Variants in ADCY2 observed in about 807,000 individuals in gnomAD.
The protein encoded by ADCY2 is adenylate cyclase 2.
A neutral mutation model predicts 125.2 loss-of-function variants in ADCY2; 31 were observed. That is an observed-to-expected ratio of 0.25 (90% confidence interval 0.19 to 0.33). The LOEUF is 0.33. ADCY2 is among the 10% of genes least tolerant of loss of function. ADCY2 has a pLI of 1.00. For missense variants in ADCY2, 904 were observed against 1,418.2 expected, an observed-to-expected ratio of 0.64 and a Z score of 5.82; for synonymous variants, 512 against 548.4, an observed-to-expected ratio of 0.93 and a Z score of 0.93.
intron 15 of ADCY2, among the ~76,000 whole-genome samples, chr5:7,747,888 G>A (rs1742679445): frequency 6.6e-6 from 1 of 152,256 alleles, no homozygotes; most frequent in Non-Finnish European, 1.5e-5. Context: ...TTGAAGGAAT[G>A]TTGGGTTGCA....
chr5:7,736,483 A>C (rs1456908317), intron 14 of ADCY2, among the ~76,000 whole-genome samples: 1 of 152,142 alleles, frequency 6.6e-6, no homozygotes, highest in Non-Finnish European at 1.5e-5. Context: ...TATTAGTAAC[A>C]CTCTATTCCT....
At chr5:7,400,825 T>C (rs1013474155) in intron 1 of ADCY2, among the ~76,000 whole-genome samples, 4 of 152,248 alleles carry the variant, frequency 2.6e-5, no homozygotes, top group Non-Finnish European at 2.9e-5. Context: ...GTTTTAGTTA[T>C]AATTTACTTG....
intron 15 of ADCY2, among the ~76,000 whole-genome samples, chr5:7,745,300 C>A (rs539280902): frequency 6.6e-6 from 1 of 152,220 alleles, no homozygotes; most frequent in African/African-American, 2.4e-5. Flanking sequence ...CGACTGTAAG[C>A]ACTTTGTCCT....
chr5:7,589,528 A>AAG (rs376178493), intron 3 of ADCY2, among the ~76,000 whole-genome samples: 30,340 of 132,166 alleles, frequency 0.23, 4,127 homozygotes, highest in East Asian at 0.36. Flanking sequence ...AAGAAAGAGA[A>AAG]AGAAAGAAAG....
chr5:7,697,763 T>G (rs1203567176), intron 6 of ADCY2, among the ~76,000 whole-genome samples: 1 of 152,168 alleles, frequency 6.6e-6, no homozygotes, highest in Non-Finnish European at 1.5e-5. Flanking sequence ...CTATCAGAAG[T>G]GACATATCTG....
At position 7,817,044 on chromosome 5, in the gene ADCY2, A is replaced by G. The variant is rs530506984; in HGVS notation, c.2998+64A>G. The G allele has an allele frequency of 8.1e-6, 10 of 1,229,086 alleles. 1 individual carries two copies. Among genetic ancestry groups the G allele is most frequent in the South Asian group, 2.5e-5 (2 of 80,934 alleles). 76.1% of individuals were successfully genotyped at this position (1,229,086 alleles called of 1,614,324 possible). The stretch of plus-strand genomic sequence containing the variant: ...AAAGATGTGGAATAAGGAGTAAGTC[A>G]GGAGATATTGATGATCCTTTCAGTG... On this transcript the variant is annotated intron_variant, in intron 23 of 24. Coordinates refer to ENST00000338316, the MANE Select transcript of ADCY2 (RefSeq NM_020546.3).
At chr5:7,507,383 G>A (rs1743869640) in intron 2 of ADCY2, among the ~76,000 whole-genome samples, 1 of 127,042 alleles carries the variant, frequency 7.9e-6, no homozygotes, top group Non-Finnish European at 1.7e-5. Context: ...GGAGCTTGCA[G>A]TGAGCCGAGA....
At chr5:7,450,626 C>T (rs1218542908) in intron 2 of ADCY2, among the ~76,000 whole-genome samples, 3 of 152,176 alleles carry the variant, frequency 2.0e-5, no homozygotes, top group Non-Finnish European at 4.4e-5. Context: ...GACAGATTTT[C>T]AAAGTAGACA....
rs1325560402 is a variant in ADCY2, at chr5:7,826,988, T to A, written c.*117T>A. The A allele has an allele frequency of 7.8e-7, 1 of 1,279,050 alleles. No homozygotes were observed. The highest frequency in any genetic ancestry group is 1.1e-6 in the Non-Finnish European group (1 of 934,044). The allele number at this position is 1,279,050 out of a possible 1,614,324, so 79.2% of individuals were successfully genotyped here. A position where few individuals can be genotyped will look rare whatever the true frequency, so the allele number is the denominator to read the frequency against. ...CGTGCTGTCTGTCCTATGGAGCCTC[T>A]GCAGACTCGTTCTCGTGACCCAGTG... On this transcript the variant is annotated 3_prime_UTR_variant, in exon 25 of 25. Transcript: ENST00000338316.
chr5:7,736,484 C>G (rs905982996), intron 14 of ADCY2, among the ~76,000 whole-genome samples: 2 of 152,136 alleles, frequency 1.3e-5, no homozygotes, highest in Non-Finnish European at 2.9e-5. Context: ...ATTAGTAACA[C>G]TCTATTCCTT....
At chr5:7,479,434 A>ATATTT (rs1455924214) in intron 2 of ADCY2, among the ~76,000 whole-genome samples, 1 of 152,036 alleles carries the variant, frequency 6.6e-6, no homozygotes, top group Non-Finnish European at 1.5e-5. Context: ...AGGAATCATT[A>ATATTT]TATTTTATTT....
chr5:7,682,522 AG>A (rs2017766428), intron 4 of ADCY2, among the ~76,000 whole-genome samples: 1 of 152,186 alleles, frequency 6.6e-6, no homozygotes, highest in South Asian at 2.1e-4. Flanking sequence ...CTACTCCAAA[AG>A]AGAACCATGA....
chr5:7,418,517 T>C (rs10061752), intron 2 of ADCY2, among the ~76,000 whole-genome samples: 48,330 of 151,894 alleles, frequency 0.32, 8,474 homozygotes, highest in African/African-American at 0.45. Context: ...GACCGGCTCA[T>C]ACCCCTTGGA....
intron 16 of ADCY2, among the ~76,000 whole-genome samples, chr5:7,766,177 A>G (rs1166620249): frequency 3.9e-5 from 6 of 152,142 alleles, no homozygotes; most frequent in African/African-American, 1.4e-4. Flanking sequence ...GGCACTCACA[A>G]ATAATAGATA....
intron 3 of ADCY2, among the ~76,000 whole-genome samples, chr5:7,562,762 A>G (rs1432114760): frequency 6.6e-6 from 1 of 152,186 alleles, no homozygotes; most frequent in Non-Finnish European, 1.5e-5. Flanking sequence ...TTAAGTTTTT[A>G]CCAAATGCTG....
rs969846822 is a variant in ADCY2 at position 7,570,156 on chromosome 5, T to C, written c.570+49257T>C. On this transcript the variant is annotated intron_variant, in intron 3 of 24. Transcript: ENST00000338316. ...GATTAAATTTCCAATCAGATCATAA[T>C]TGGGATTTGTTGAGGGGCTGTGACT... 5.3e-5 allele frequency among the ~76,000 whole-genome samples: 8 copies of C among 152,112 alleles called. No individual in the cohort carries two copies. The East Asian group carries it at 5.8e-4, about 11-fold the overall frequency.
At chr5:7,694,189 A>G (rs1740813339) in intron 5 of ADCY2, among the ~76,000 whole-genome samples, 1 of 152,202 alleles carries the variant, frequency 6.6e-6, no homozygotes, top group South Asian at 2.1e-4. Flanking sequence ...CAGAAGGAGC[A>G]GAGTATGGCC....
intron 3 of ADCY2, among the ~76,000 whole-genome samples, chr5:7,589,756 T>A (rs1355720130): frequency 1.3e-5 from 2 of 152,100 alleles, no homozygotes; most frequent in Non-Finnish European, 2.9e-5. Context: ...GGCACAGAGA[T>A]GGGCTGTTGG....
chr5:7,521,916 G>A (rs1744459056), intron 3 of ADCY2, among the ~76,000 whole-genome samples: 1 of 152,172 alleles, frequency 6.6e-6, no homozygotes, highest in Admixed American at 6.5e-5. Flanking sequence ...CACACTGACT[G>A]TAGAGGCAGT....
Sources: allele counts gnomAD v4.1 joint callset (sites outside exome capture counted in the v4.1 genomes callset), GRCh38; gene constraint gnomAD v4.1.1; transcripts MANE v1.5; gene names NCBI Gene and HGNC (gene_info 2026-07-23, HGNC 2026-07-21).